Variants in GRIA3 observed in about 807,000 individuals in gnomAD.
The protein encoded by GRIA3 is glutamate receptor 3.
In GRIA3, 3 loss-of-function variants were observed where a neutral mutation model predicts 63.0. The ratio of observed to expected loss-of-function variants is 0.05; its 90% CI spans 0.02 to 0.12. The LOEUF (loss-of-function observed/expected upper bound fraction) is 0.12. GRIA3 is among the 10% of genes least tolerant of loss of function. GRIA3 has a pLI of 1.00. For synonymous variants in GRIA3, 274 were observed against 257.9 expected, an observed-to-expected ratio of 1.06 and a Z score of -0.60; for missense variants, 347 against 700.9, an observed-to-expected ratio of 0.50 and a Z score of 5.70.
intron 2 of GRIA3, among the ~76,000 whole-genome samples, chrX:123,218,308 G>A (rs1368008642): frequency 9.0e-6 from 1 of 111,652 alleles, no homozygotes; most frequent in Admixed American, 9.4e-5. Context: ...AGAGGCTGTA[G>A]ACACCATTTG....
intron 5 of GRIA3, among the ~76,000 whole-genome samples, chrX:123,390,672 A>G (rs2045381644): frequency 8.9e-6 from 1 of 112,181 alleles, no homozygotes; most frequent in African/African-American, 3.2e-5. Context: ...TTGTATGTCT[A>G]AATCTTTTGC....
intron 15 of GRIA3, among the ~76,000 whole-genome samples, chrX:123,486,340 A>T (rs1487125163): frequency 8.9e-6 from 1 of 111,983 alleles, no homozygotes; most frequent in Non-Finnish European, 1.9e-5. Flanking sequence ...TACTCATCTG[A>T]GTTGATCCAC....
chrX:123,321,770 C>T (rs2044869276), intron 3 of GRIA3, among the ~76,000 whole-genome samples: 1 of 111,959 alleles, frequency 8.9e-6, no homozygotes, highest in Non-Finnish European at 1.9e-5. Context: ...AATAGAGATT[C>T]ACATGCAAGA....
At chrX:123,286,028 C>A (rs1469428211) in intron 3 of GRIA3, among the ~76,000 whole-genome samples, 1 of 111,833 alleles carries the variant, frequency 8.9e-6, no homozygotes, top group Non-Finnish European at 1.9e-5. Context: ...GTAAAACACT[C>A]CTCAGCAAAT....
Position 123,299,119 on chromosome X carries a change from T to C in GRIA3, c.509-26907T>C, listed in dbSNP as rs1361840797. 4.5e-5 allele frequency among the ~76,000 whole-genome samples: 5 copies of C among 111,726 alleles called. No homozygotes were observed. The East Asian group carries it at 1.4e-3, about 31-fold the overall frequency. On this transcript the variant is annotated intron_variant, in intron 3 of 15. Coordinates refer to ENST00000620443, the MANE Select transcript of GRIA3 (RefSeq NM_007325.5). The stretch of plus-strand genomic sequence containing the variant: ...TTTTTGCACCAGTACCATGCTGTTT[T>C]GGTTACTTTAGCCTTGTACTATAGT...
At chrX:123,360,180 A>G (rs1220082751) in intron 5 of GRIA3, among the ~76,000 whole-genome samples, 1 of 110,761 alleles carries the variant, frequency 9.0e-6, no homozygotes, top group African/African-American at 3.3e-5. Flanking sequence ...TCCATTGCCA[A>G]ACTAAGTTTT....
intron 3 of GRIA3, among the ~76,000 whole-genome samples, chrX:123,280,173 C>G (rs992739812): frequency 1.8e-5 from 2 of 111,821 alleles, no homozygotes; most frequent in Admixed American, 1.9e-4. Flanking sequence ...GCTCCCAGGG[C>G]AAATCATTCA....
At chrX:123,195,628 A>C (rs1042672604) in intron 2 of GRIA3, among the ~76,000 whole-genome samples, 1 of 111,587 alleles carries the variant, frequency 9.0e-6, no homozygotes, top group African/African-American at 3.3e-5. Context: ...TTAAACCACT[A>C]TGGGACAAAC....
chrX:123,310,543 T>C lies in GRIA3; in HGVS notation c.509-15483T>C, dbSNP rs371018006. On this transcript the variant is annotated intron_variant, in intron 3 of 15. Transcript: ENST00000620443. ...GCTTTGCTTACATCTCTTTGCTTTA[T>C]GCTCCACAGCTCTAGACAAAGTGTT... Among the ~76,000 whole-genome samples the C allele has an allele frequency of 4.4e-5, 5 of 113,430 alleles. No individual in the cohort carries two copies. The East Asian group carries it at 1.4e-3, about 31-fold the overall frequency.
chrX:123,407,132 TACTACTATTACC>T (rs922954642), intron 10 of GRIA3, among the ~76,000 whole-genome samples: 4 of 111,894 alleles, frequency 3.6e-5, no homozygotes, highest in African/African-American at 9.8e-5. Context: ...CTATTACTAC[TACTACTATTACC>T]ACTACTATTA....
At chrX:123,456,162 A>G (rs888852118) in intron 12 of GRIA3, among the ~76,000 whole-genome samples, 1 of 110,666 alleles carries the variant, frequency 9.0e-6, no homozygotes, top group African/African-American at 3.3e-5. Flanking sequence ...TTCATTCAAT[A>G]TATATTTATG....
intron 3 of GRIA3, among the ~76,000 whole-genome samples, chrX:123,264,364 C>T (rs1603055795): frequency 9.0e-6 from 1 of 111,527 alleles, no homozygotes; most frequent in Non-Finnish European, 1.9e-5. Context: ...TAGGGAAAAG[C>T]GTTCAGCATA....
chrX:123,200,826 C>T (rs5911547), intron 2 of GRIA3, among the ~76,000 whole-genome samples: 25,177 of 110,375 alleles, frequency 0.23, 2,689 homozygotes, highest in Middle Eastern at 0.36. Context: ...ATTCCTCCAC[C>T]GGGTAGGGCA....
intron 4 of GRIA3, among the ~76,000 whole-genome samples, chrX:123,349,061 G>A (rs900671065): frequency 9.8e-5 from 11 of 111,865 alleles, no homozygotes; most frequent in Non-Finnish European, 1.5e-4. Context: ...TTGTATTAGT[G>A]TCATTGATAT....
chrX:123,295,243 C>A (rs2044678097), intron 3 of GRIA3, among the ~76,000 whole-genome samples: 1 of 111,589 alleles, frequency 9.0e-6, no homozygotes, highest in Non-Finnish European at 1.9e-5. Flanking sequence ...CATTACATGT[C>A]TATAAATGTT....
chrX:123,289,772 C>A (rs1196429858), intron 3 of GRIA3, among the ~76,000 whole-genome samples: 1 of 110,262 alleles, frequency 9.1e-6, no homozygotes, highest in Non-Finnish European at 1.9e-5. Context: ...CACCCTCCAC[C>A]CCCCCAACCA....
At chrX:123,209,204 T>C (rs773962872) in intron 2 of GRIA3, among the ~76,000 whole-genome samples, 1 of 111,914 alleles carries the variant, frequency 8.9e-6, no homozygotes, top group Admixed American at 9.5e-5. Flanking sequence ...CCATATTAGC[T>C]TGTACAAGTC....
chrX:123,338,546 T>TTTTA (rs754874584), intron 4 of GRIA3, among the ~76,000 whole-genome samples: 13 of 111,907 alleles, frequency 1.2e-4, no homozygotes, highest in East Asian at 1.1e-3. Context: ...TCAAACTATA[T>TTTTA]TTTATTTATT....
chrX:123,332,421 C>A (rs1000651746), intron 4 of GRIA3, among the ~76,000 whole-genome samples: 3 of 111,151 alleles, frequency 2.7e-5, no homozygotes, highest in Non-Finnish European at 3.8e-5. Flanking sequence ...ATGAGTTAAT[C>A]CTCATATTAT....
Sources: gnomAD v4.1 joint callset for allele counts (sites outside exome capture counted in the v4.1 genomes callset) on GRCh38, gnomAD v4.1.1 for gene constraint, MANE v1.5 for transcripts, NCBI Gene and HGNC (gene_info 2026-07-23, HGNC 2026-07-21) for gene names.